Variants in SLIT1 observed in about 807,000 individuals in gnomAD.
The protein encoded by SLIT1 is slit guidance ligand 1, also known as slit homolog 1 protein.
SLIT1 carries 66 observed loss-of-function variants against 186.1 expected under a neutral mutation model. That is an observed-to-expected ratio of 0.35 (90% CI 0.29 to 0.44). The LOEUF (loss-of-function observed/expected upper bound fraction) is 0.44. Ranked by LOEUF, SLIT1 falls within the 20% of genes least tolerant of loss-of-function variation. The pLI, the probability that SLIT1 is intolerant of heterozygous loss-of-function variation, is 1.00. For synonymous variants in SLIT1, 761 were observed against 833.8 expected (o/e 0.91, Z 1.50); for missense variants, 1,638 against 2,037.4 (o/e 0.80, Z 3.77).
At chr10:97,066,628 G>C (rs1210030622) in intron 4 of SLIT1, among the ~76,000 whole-genome samples, 1 of 152,164 alleles carries the variant, frequency 6.6e-6, no homozygotes. Context: ...CCCACGTGAA[G>C]TGCCTGCTCC....
At chr10:97,005,142 G>T (rs769358061) in intron 32 of SLIT1, among the ~76,000 whole-genome samples, 3 of 152,212 alleles carry the variant, frequency 2.0e-5, no homozygotes, top group Non-Finnish European at 2.9e-5. Flanking sequence ...AGGAAAATTA[G>T]ACTGGGACCC....
chr10:97,103,519 T>C (rs1348738483), intron 4 of SLIT1: 5 of 152,178 alleles, frequency 3.3e-5, no homozygotes, highest in African/African-American at 1.2e-4. Flanking sequence ...CTTCCAGCTC[T>C]CTCCCCAAAC....
intron 23 of SLIT1, among the ~76,000 whole-genome samples, chr10:97,033,059 T>C (rs1186340193): frequency 2.0e-5 from 3 of 151,384 alleles, no homozygotes; most frequent in East Asian, 3.9e-4. Context: ...TCTTTTTTTT[T>C]TTTTTTTGAG....
At position 97,000,743 on chromosome 10, in the gene SLIT1, G is replaced by T; in HGVS notation, c.*369C>A. Reference sequence around the variant, plus strand: ...GGCCACAGGCCAAAGGGAAGGGTTGGTTTGGAAGGCTGTCATTTTTCTTCT... The same window carrying T: ...GGCCACAGGCCAAAGGGAAGGGTTGTTTTGGAAGGCTGTCATTTTTCTTCT... On this transcript the variant is annotated 3_prime_UTR_variant, in exon 37 of 37. Coordinates refer to ENST00000266058, the MANE Select transcript of SLIT1 (RefSeq NM_003061.3). 4.7e-6 allele frequency: 1 copy of T among 213,964 alleles called. No homozygotes were observed. The highest frequency in any genetic ancestry group is 9.3e-6 in the Non-Finnish European group (1 of 107,308). 13.3% of individuals were successfully genotyped at this position (213,964 alleles called of 1,614,324 possible).
rs545999291 is a variant in SLIT1 at position 97,175,930 on chromosome 10, G to T, written c.197+9548C>A. ...ACATGGGTGCACCCAGCAAACATGTGCAGGCAGGAATCAATCATGGCCAAT... is the reference window on the plus strand; with the variant it reads ...ACATGGGTGCACCCAGCAAACATGTTCAGGCAGGAATCAATCATGGCCAAT... On this transcript the variant is annotated intron_variant, in intron 1 of 36. Coordinates refer to ENST00000266058, the MANE Select transcript of SLIT1 (RefSeq NM_003061.3). Among the ~76,000 whole-genome samples, 7 of 152,318 alleles carry T rather than the reference G, an allele frequency of 4.6e-5. No individual in the cohort carries two copies. The East Asian group carries it at 1.4e-3, about 29-fold the overall frequency.
At chr10:97,137,283 T>G (rs1426506372) in intron 4 of SLIT1, among the ~76,000 whole-genome samples, 1 of 152,206 alleles carries the variant, frequency 6.6e-6, no homozygotes, top group African/African-American at 2.4e-5. Flanking sequence ...GAATTCCACA[T>G]GCTTGATATC....
At chr10:97,020,520 C>T (rs115512912) in intron 26 of SLIT1, among the ~76,000 whole-genome samples, 1 of 152,256 alleles carries the variant, frequency 6.6e-6, no homozygotes, top group Non-Finnish European at 1.5e-5. Context: ...CCCCCGGAGC[C>T]GTTACGGCTG....
chr10:97,071,756 G>A (rs796543269), intron 4 of SLIT1, among the ~76,000 whole-genome samples: 48 of 152,302 alleles, frequency 3.2e-4, no homozygotes, highest in African/African-American at 1.1e-3. Flanking sequence ...AGTCTAAAAG[G>A]ATCAGCTTCT....
intron 36 of SLIT1, among the ~76,000 whole-genome samples, chr10:97,001,614 AGAGGCGTGCAAGAGAGGCTG>A (rs1302333677): frequency 3.3e-5 from 5 of 152,100 alleles, no homozygotes; most frequent in Non-Finnish European, 5.9e-5. Flanking sequence ...CCCCATTGCT[AGAGGCGTGCAAGAGAGGCTG>A]GAGGCCCCGG....
intron 30 of SLIT1, among the ~76,000 whole-genome samples, chr10:97,012,140 G>A (rs1214680385): frequency 2.9e-5 from 4 of 137,216 alleles, no homozygotes; most frequent in South Asian, 2.4e-4. Flanking sequence ...GCACACATTC[G>A]AAACCAGATT....
At chr10:97,062,036 A>G (rs567199863) in intron 8 of SLIT1, among the ~76,000 whole-genome samples, 1 of 152,370 alleles carries the variant, frequency 6.6e-6, no homozygotes, top group South Asian at 2.1e-4. Context: ...CATGTCTGAA[A>G]ATAGAAACCA....
At chr10:97,098,572 A>AGCTAGG (rs1344472614) in intron 4 of SLIT1, among the ~76,000 whole-genome samples, 2 of 152,214 alleles carry the variant, frequency 1.3e-5, no homozygotes, top group African/African-American at 4.8e-5. Flanking sequence ...CAGAGAAACA[A>AGCTAGG]GCTAGGAGGT....
rs1274392043 is a variant in SLIT1, at chr10:97,075,761, C to G, written c.414-9675G>C. ...AAGCAGATTTTCTGGGTCCCACCTC[C>G]TGAGTCAGGATCCCTCAGTGTCTCA... On this transcript the variant is annotated intron_variant, in intron 4 of 36. Transcript: ENST00000266058. Among the ~76,000 whole-genome samples the G allele has an allele frequency of 2.0e-5, 3 of 152,222 alleles. No individual in the cohort carries two copies. In the East Asian group the frequency reaches 5.8e-4, roughly 29 times the overall value.
chr10:97,157,945 C>T, intron 3 of SLIT1, 56 bp from the exon 4 acceptor site: 1 of 1,320,814 alleles, frequency 7.6e-7, no homozygotes, highest in Non-Finnish European at 1.1e-6. Context: ...ATCCAAAGGA[C>T]TTCTCAGAAA....
In SLIT1 at chr10:97,006,323, T is replaced by C. The variant is rs1848358993; in HGVS notation, c.3579+160A>G. ...ACCTTTCTAATTGTGCTTAAACTAG[T>C]TCAAGCTGAGATTTTGATACCCATA... On this transcript the variant is annotated intron_variant, in intron 32 of 36. Coordinates refer to ENST00000266058, the MANE Select transcript of SLIT1 (RefSeq NM_003061.3). This position sits in a 1 kb window ranked among gnomAD's most constrained non-coding sequence, Gnocchi z 4.0. Among the ~76,000 whole-genome samples, 1 of 152,190 alleles carries C rather than the reference T, an allele frequency of 6.6e-6. No homozygotes were observed. The highest frequency in any genetic ancestry group is 2.1e-4 in the South Asian group (1 of 4,826).
At chr10:97,031,764 C>T in intron 23 of SLIT1, 87 bp from the exon 24 acceptor site, 1 of 1,052,092 alleles carries the variant, frequency 9.5e-7, no homozygotes, top group Non-Finnish European at 1.4e-6. Flanking sequence ...GGAGGTCCCT[C>T]TCACCCAGCA....
intron 25 of SLIT1, among the ~76,000 whole-genome samples, chr10:97,025,708 C>T (rs1042131215): frequency 1.3e-5 from 2 of 152,160 alleles, no homozygotes. Flanking sequence ...GTAAAAATAA[C>T]CCTGTGTTGT....
intron 4 of SLIT1, among the ~76,000 whole-genome samples, chr10:97,138,116 G>A (rs529457218): frequency 7.9e-5 from 12 of 152,324 alleles, no homozygotes; most frequent in African/African-American, 2.9e-4. Flanking sequence ...AGAGGCAGAT[G>A]GGAAATACAG....
At chr10:97,106,590 G>A (rs1365501796) in intron 4 of SLIT1, among the ~76,000 whole-genome samples, 1 of 152,052 alleles carries the variant, frequency 6.6e-6, no homozygotes, top group African/African-American at 2.4e-5. Context: ...CTGGGAGGTA[G>A]GCTTATTTGG....
Sources: gnomAD v4.1 joint callset for allele counts (sites outside exome capture counted in the v4.1 genomes callset) on GRCh38, gnomAD v4.1.1 for gene constraint, Gnocchi (gnomAD v3.1) non-coding constraint, MANE v1.5 for transcripts, NCBI Gene and HGNC (gene_info 2026-07-23, HGNC 2026-07-21) for gene names.